GIT1: variants seen among roughly 807,000 people sequenced by gnomAD.
GIT1 encodes ARF GTPase-activating protein GIT1.
Under a neutral mutation model 91.7 loss-of-function variants are expected in GIT1, and 14 were observed. That is an observed-to-expected ratio of 0.15 (90% CI 0.10 to 0.24). The LOEUF (loss-of-function observed/expected upper bound fraction) is 0.24, where lower values mean the gene tolerates loss of function less well. GIT1 is among the 10% of genes least tolerant of loss of function. The pLI is 1.00. For missense variants in GIT1, 717 were observed against 1,024.9 expected (o/e 0.70, Z 4.10); for synonymous variants, 414 against 418.2 (o/e 0.99, Z 0.12).
At chr17:29,588,266 C>A (rs2033665653) in intron 1 of GIT1, among the ~76,000 whole-genome samples, 1 of 152,214 alleles carries the variant, frequency 6.6e-6, no homozygotes, top group African/African-American at 2.4e-5. Flanking sequence ...CAGGGGCCTA[C>A]CAGGGAGATA....
chr17:29,579,188 T>G (rs1456779052), intron 7 of GIT1: 2 of 597,182 alleles, frequency 3.3e-6, no homozygotes, highest in East Asian at 2.8e-5. Flanking sequence ...GTGACCTGTT[T>G]GTCCACCACC....
In GIT1 at chr17:29,577,124, C is replaced by G. The variant is rs1258804761; in HGVS notation, c.1093+12G>C. 2.5e-6 allele frequency: 4 copies of G among 1,611,526 alleles called. No homozygotes were observed. In the African/African-American group the frequency reaches 4.0e-5, roughly 16 times the overall value. ...CGCCTGCTTCCCACACCCTCCCACA[C>G]AACCCTCCCACCTGTGGGGCTGCTC... On this transcript the variant is annotated intron_variant, in intron 11 of 19. Coordinates refer to ENST00000225394, the MANE Select transcript of GIT1 (RefSeq NM_014030.4).
chr17:29,584,010 T>C (rs1241375049), intron 1 of GIT1: 2 of 230,586 alleles, frequency 8.7e-6, no homozygotes, highest in Non-Finnish European at 1.7e-5. Context: ...TGCTGCTGCA[T>C]GCCAGATGCT....
chr17:29,574,291 A>G lies in GIT1; in HGVS notation c.*411T>C. On this transcript the variant is annotated 3_prime_UTR_variant, in exon 20 of 20. Coordinates refer to ENST00000225394, the MANE Select transcript of GIT1 (RefSeq NM_014030.4). ...ATGGAGACTATGTACAAAGGAGGGGATGCCCCCGCTCAGCCCCCAGTAGGG... is the reference window on the plus strand; with the variant it reads ...ATGGAGACTATGTACAAAGGAGGGGGTGCCCCCGCTCAGCCCCCAGTAGGG... 4.4e-6 allele frequency: 1 copy of G among 224,954 alleles called. No individual in the cohort carries two copies. Among genetic ancestry groups the G allele is most frequent in the Non-Finnish European group, 9.0e-6 (1 of 111,670 alleles). 13.9% of individuals were successfully genotyped at this position (224,954 alleles called of 1,614,324 possible).
In GIT1 at chr17:29,582,667, G is replaced by A. The variant is rs1333311372; in HGVS notation, c.405+31C>T. 5.7e-6 allele frequency: 8 copies of A among 1,406,232 alleles called. No homozygotes were observed. The African/African-American group carries it at 9.9e-5, about 17-fold the overall frequency. The allele number at this position is 1,406,232 out of a possible 1,614,324, so 87.1% of individuals were successfully genotyped here. A position where few individuals can be genotyped will look rare whatever the true frequency, so the allele number is the denominator to read the frequency against. The stretch of plus-strand genomic sequence containing the variant: ...GTCGTGGATGGGAAGAAGAGGAGGG[G>A]GCCACCCATCTGTTGTAGGGCCCCT... On this transcript the variant is annotated intron_variant, in intron 4 of 19. Coordinates refer to ENST00000225394, the MANE Select transcript of GIT1 (RefSeq NM_014030.4).
chr17:29,574,942 CT>C, intron 19 of GIT1, 28 bp from the exon 20 acceptor site: 1 of 1,534,046 alleles, frequency 6.5e-7, no homozygotes, highest in Admixed American at 2.0e-5. Context: ...GAGGCTGGAC[CT>C]TGGACTTTAA....
Position 29,576,342 on chromosome 17 carries a change from C to T in GIT1, c.1489G>A (p.Gly497Arg), listed in dbSNP as rs1005293568. The change falls in exon 14 of 20, where the codon GGG becomes AGG. Residue 497 changes from glycine (G) to arginine (R), a missense_variant. By Grantham distance (125) the Gly-to-Arg change is moderately radical. This residue lies in a region of GIT1 where 312 missense variants were observed against 349.5 expected (regional missense o/e 0.89). Transcript: ENST00000225394. ...RAEHTPMAPG[G>R]STHRRDRQAF... ...TGGCGATCCCTGCGGTGTGTGCTCC[C>T]GCCTGGCGCCATGGGTGTGTGTTCC... 5.6e-6 allele frequency: 9 copies of T among 1,613,294 alleles called. No individual in the cohort carries two copies. Among genetic ancestry groups the T allele is most frequent in the Non-Finnish European group, 6.8e-6 (8 of 1,179,958 alleles).
chr17:29,585,580 T>C (rs1451588747), intron 1 of GIT1, among the ~76,000 whole-genome samples: 1 of 152,004 alleles, frequency 6.6e-6, no homozygotes, highest in Non-Finnish European at 1.5e-5. Flanking sequence ...GGGTTCTCCT[T>C]CTCCTCCAGG....
At chr17:29,587,576 G>A (rs1042028860) in intron 1 of GIT1, among the ~76,000 whole-genome samples, 2 of 152,144 alleles carry the variant, frequency 1.3e-5, no homozygotes, top group African/African-American at 4.8e-5. Flanking sequence ...GGCTGTGGTC[G>A]GACATTCAAC....
At position 29,574,342 on chromosome 17, in the gene GIT1, G is replaced by A. The variant is rs189416822; in HGVS notation, c.*360C>T. 22 of 292,154 alleles carry A rather than the reference G, an allele frequency of 7.5e-5. No homozygotes were observed. The highest frequency in any genetic ancestry group is 6.2e-4 in the South Asian group (16 of 25,926). The allele number at this position is 292,154 out of a possible 1,614,324, so 18.1% of individuals were successfully genotyped here. On this transcript the variant is annotated 3_prime_UTR_variant, in exon 20 of 20. Coordinates refer to ENST00000225394, the MANE Select transcript of GIT1 (RefSeq NM_014030.4). The stretch of plus-strand genomic sequence containing the variant: ...CTGAACTGGCTCATGGGGGTGGGGC[G>A]CATGTACGGAGAGCTGCCCCACTTG...
intron 14 of GIT1, 34 bp downstream of exon 14, chr17:29,576,186 T>C (rs1175471320): frequency 1.2e-6 from 2 of 1,608,388 alleles, no homozygotes; most frequent in Non-Finnish European, 1.7e-6. Context: ...GCCCCACCCA[T>C]CTCCCCACAC....
chr17:29,575,821 G>C lies in GIT1; in HGVS notation c.1743C>G (p.Ser581Arg), dbSNP rs1310393122. The C allele has an allele frequency of 1.9e-6, 3 of 1,612,746 alleles. No individual in the cohort carries two copies. The highest frequency in any genetic ancestry group is 2.5e-6 in the Non-Finnish European group (3 of 1,179,398). ...SPLLSCSQEG[S>R]RHTSKLSRHG... Reference sequence around the variant, plus strand: ...GGCATGGAAACATTACCGTGTGGCGGCTTCCCTCCTGGGAGCAGGACAGCA... The same window carrying C: ...GGCATGGAAACATTACCGTGTGGCGCCTTCCCTCCTGGGAGCAGGACAGCA... Residue 581 changes from serine to arginine, a missense_variant, in exon 16 of 20, where the codon AGC (serine) becomes AGG (arginine). This residue lies in a region of GIT1 where 312 missense variants were observed against 349.5 expected (regional missense o/e 0.89). Coordinates refer to ENST00000225394, the MANE Select transcript of GIT1 (RefSeq NM_014030.4). The surrounding 1 kb of genome is among the most constrained non-coding windows in gnomAD (Gnocchi z 5.5).
In GIT1 at chr17:29,574,607, A is replaced by G; in HGVS notation, c.*95T>C. On this transcript the variant is annotated 3_prime_UTR_variant, in exon 20 of 20. Transcript: ENST00000225394. ...TGGCAGCACTAAGGGCACTTGTGCC[A>G]GTGGCTCTGTTGGGGTGGGGATTAA... The G allele has an allele frequency of 1.9e-6, 2 of 1,054,724 alleles. No individual in the cohort carries two copies. Among genetic ancestry groups the G allele is most frequent in the Non-Finnish European group, 2.9e-6 (2 of 682,814 alleles). 65.3% of individuals were successfully genotyped at this position (1,054,724 alleles called of 1,614,324 possible). A position where few individuals can be genotyped will look rare whatever the true frequency, so the allele number is the denominator to read the frequency against.
chr17:29,578,230 A>G (rs2033279918), intron 9 of GIT1, 69 bp downstream of exon 9: 2 of 1,271,700 alleles, frequency 1.6e-6, no homozygotes, highest in Middle Eastern at 1.9e-4. Flanking sequence ...TTAGCCCAGT[A>G]AAGGACCAGA....
intron 2 of GIT1, 115 bp downstream of exon 2, chr17:29,583,368 C>T: frequency 8.9e-7 from 1 of 1,120,912 alleles, no homozygotes; most frequent in Non-Finnish European, 1.3e-6. Context: ...GGGGGTGCTG[C>T]CCCTTGGAAG....
rs757604901 is a variant in GIT1 at position 29,574,585 on chromosome 17, C to A, written c.*117G>T. 1 of 906,342 alleles carries A rather than the reference C, an allele frequency of 1.1e-6. No individual in the cohort carries two copies. Among genetic ancestry groups the A allele is most frequent in the Non-Finnish European group, 1.8e-6 (1 of 555,856 alleles). 56.1% of individuals were successfully genotyped at this position (906,342 alleles called of 1,614,324 possible). On this transcript the variant is annotated 3_prime_UTR_variant, in exon 20 of 20. Coordinates refer to ENST00000225394, the MANE Select transcript of GIT1 (RefSeq NM_014030.4). ...GGCACCTGGCTGCCAGGGAGTGTGG[C>A]AGCACTAAGGGCACTTGTGCCAGTG...
chr17:29,589,296 G>GCGGTCCCGCCCC lies in GIT1; in HGVS notation c.52+19_52+30dup. On this transcript the variant is annotated intron_variant, in intron 1 of 19. Coordinates refer to ENST00000225394, the MANE Select transcript of GIT1 (RefSeq NM_014030.4). This position sits in a 1 kb window ranked among gnomAD's most constrained non-coding sequence, Gnocchi z 5.2. ...GCCCGCCCGGCGGCGGCCTGGCTGT[G>GCGGTCCCGCCCC]CGGTCCCGCCCCCGGCCCCGCCGCG... 3.1e-6 allele frequency: 3 copies of GCGGTCCCGCCCC among 982,738 alleles called. No homozygotes were observed. The highest frequency in any genetic ancestry group is 3.6e-6 in the Non-Finnish European group (3 of 823,824). The allele number at this position is 982,738 out of a possible 1,614,324, so 60.9% of individuals were successfully genotyped here.
rs187487955 is a variant in GIT1 at position 29,583,506 on chromosome 17, C to T, written c.163G>A (p.Ala55Thr). Residue 55 changes from alanine to threonine, a missense_variant, in exon 2 of 20, where the codon GCC becomes ACC. Physicochemically the swap from Ala to Thr is moderately conservative, Grantham distance 58. Coordinates refer to ENST00000225394, the MANE Select transcript of GIT1 (RefSeq NM_014030.4). The part of the protein sequence containing the change: ...ISIVKHLRHS[A>T]WPPTLLQMVH... ...ACCTGCAGCAGCGTGGGAGGCCAGG[C>T]GCTGTGGCGAAGGTGCTTGACAATG... 102 of 1,612,334 alleles carry T rather than the reference C, an allele frequency of 6.3e-5. No individual in the cohort carries two copies. Among genetic ancestry groups the T allele is most frequent in the East Asian group, 4.9e-4 (22 of 44,880 alleles).
chr17:29,583,408 G>T, intron 2 of GIT1, 75 bp downstream of exon 2: 1 of 1,500,212 alleles, frequency 6.7e-7, no homozygotes, highest in Non-Finnish European at 9.1e-7. Flanking sequence ...GTGTATGTGG[G>T]TGAGGGGGAA....
Sources: gnomAD v4.1 joint callset for allele counts (sites outside exome capture counted in the v4.1 genomes callset) on GRCh38, gnomAD v4.1.1 for gene constraint, gnomAD v4.1.1 regional missense constraint, Gnocchi (gnomAD v3.1) non-coding constraint, MANE v1.5 for transcripts, NCBI Gene and HGNC (gene_info 2026-07-23, HGNC 2026-07-21) for gene names.